DOCK8: variants seen among roughly 807,000 people sequenced by gnomAD.
The protein encoded by DOCK8 is dedicator of cytokinesis 8.
DOCK8 carries 141 observed loss-of-function variants against 245.6 expected under a neutral mutation model. The observed-to-expected ratio is 0.57, with a 90% confidence interval of 0.50 to 0.66. The LOEUF is 0.66. Ranked by LOEUF, DOCK8 falls within the 30% of genes least tolerant of loss-of-function variation. DOCK8 has a pLI of 0.00. For synonymous variants in DOCK8, 1,168 were observed against 970.2 expected (o/e 1.20, Z -3.79); for missense variants, 2,965 against 2,603.4 (o/e 1.14, Z -3.02).
intron 42 of DOCK8, among the ~76,000 whole-genome samples, chr9:442,883 A>G (rs138241835): frequency 8.1e-4 from 123 of 152,302 alleles, no homozygotes; most frequent in African/African-American, 2.8e-3. Context: ...TACACTCTCC[A>G]TCCATGCCAA....
intron 23 of DOCK8, among the ~76,000 whole-genome samples, chr9:390,203 G>GT (rs2054127856): frequency 6.6e-6 from 1 of 152,074 alleles, no homozygotes; most frequent in Non-Finnish European, 1.5e-5. Context: ...GTAGAATAGA[G>GT]TTTCACTCCC....
chr9:371,324 A>G lies in DOCK8; in HGVS notation c.1869-104A>G, dbSNP rs943648304. On this transcript the variant is annotated intron_variant, in intron 16 of 47. Transcript: ENST00000432829. ...AGAGTAATGTAAAATGAAAAGCAAA[A>G]CACCAGGCAAATTCTGAGGAGCAAA... is the stretch of plus-strand genomic sequence containing the variant. The G allele has an allele frequency of 4.2e-6, 6 of 1,417,350 alleles. No individual in the cohort carries two copies. The Admixed American group carries it at 1.0e-4, about 24-fold the overall frequency. 87.8% of individuals were successfully genotyped at this position (1,417,350 alleles called of 1,614,324 possible).
At chr9:245,585 C>A (rs1386695079) in intron 1 of DOCK8, among the ~76,000 whole-genome samples, 1 of 152,098 alleles carries the variant, frequency 6.6e-6, no homozygotes, top group East Asian at 1.9e-4. Flanking sequence ...GGCAACTTGA[C>A]AAAGAGTGAA....
intron 26 of DOCK8, among the ~76,000 whole-genome samples, chr9:399,652 T>G (rs2054648501): frequency 6.6e-6 from 1 of 152,042 alleles, no homozygotes; most frequent in South Asian, 2.1e-4. Flanking sequence ...AAATTGCTGT[T>G]GTGATGCTCC....
chr9:429,794 C>A lies in DOCK8; in HGVS notation c.4566C>A (p.Thr1522=). The change falls in exon 36 of 48, where the codon ACC becomes ACA. Residue 1522 remains threonine (T), a synonymous_variant. Transcript: ENST00000432829. The part of the protein sequence containing the change: ...LHHCSSSMDV[T]RSQACATLYL... ...ACTGCAGCAGCAGCATGGATGTCACCCGGAGCCAAGCCTGTGCCACCCTTT... is the reference window on the plus strand; with the variant it reads ...ACTGCAGCAGCAGCATGGATGTCACACGGAGCCAAGCCTGTGCCACCCTTT... 1 of 1,614,176 alleles carries A rather than the reference C, an allele frequency of 6.2e-7. No individual in the cohort carries two copies. The highest frequency in any genetic ancestry group is 8.5e-7 in the Non-Finnish European group (1 of 1,180,040).
In DOCK8 at chr9:307,329, G is replaced by GTTTT. The variant is rs1210792510; in HGVS notation, c.528+2630_528+2633dup. 1.5e-4 allele frequency among the ~76,000 whole-genome samples: 11 copies of GTTTT among 75,138 alleles called. 4 individuals carry two copies. In the East Asian group the frequency reaches 2.0e-3, roughly 14 times the overall value. The allele number at this position is 75,138 out of a possible 152,430, so 49.3% of individuals were successfully genotyped here. A position where few individuals can be genotyped will look rare whatever the true frequency, so the allele number is the denominator to read the frequency against. On this transcript the variant is annotated intron_variant, in intron 5 of 47. Transcript: ENST00000432829. ...AACTCAAGTCACTGTGTTGTGTGTG[G>GTTTT]TTTTTTTTGTTTTTTTTTTTTTTTT...
chr9:289,027 A>C (rs2048935475), intron 3 of DOCK8, among the ~76,000 whole-genome samples: 1 of 152,204 alleles, frequency 6.6e-6, no homozygotes, highest in South Asian at 2.1e-4. Context: ...AACTGAATTA[A>C]TGATCACCAA....
intron 14 of DOCK8, among the ~76,000 whole-genome samples, chr9:344,203 G>A (rs1027928192): frequency 8.5e-5 from 13 of 152,220 alleles, no homozygotes; most frequent in Non-Finnish European, 4.4e-5. Flanking sequence ...CAGTTTGGTT[G>A]TGGCCCCTTC....
intron 26 of DOCK8, among the ~76,000 whole-genome samples, chr9:403,906 A>ATGTG (rs2055247051): frequency 3.3e-5 from 3 of 90,110 alleles, no homozygotes; most frequent in African/African-American, 7.4e-5. Flanking sequence ...ATATATATAT[A>ATGTG]TATATATATA....
chr9:271,909 G>A (rs2048174813), intron 2 of DOCK8, among the ~76,000 whole-genome samples, 180 bp downstream of exon 2: 1 of 152,070 alleles, frequency 6.6e-6, no homozygotes, highest in African/African-American at 2.4e-5. Flanking sequence ...CTGCCAACCG[G>A]TACTTAGGGT....
chr9:235,607 G>A (rs2047225581), intron 1 of DOCK8, among the ~76,000 whole-genome samples: 1 of 152,150 alleles, frequency 6.6e-6, no homozygotes, highest in African/African-American at 2.4e-5. Context: ...GCAATGGTGG[G>A]CACCCCTCCC....
intron 22 of DOCK8, 77 bp from the exon 23 acceptor site, chr9:386,254 T>C: frequency 8.1e-7 from 1 of 1,234,910 alleles, no homozygotes; most frequent in Non-Finnish European, 1.2e-6. Flanking sequence ...AAATGAATTC[T>C]GAGGTTGTGA....
At chr9:435,769 T>G (rs2056879678) in intron 39 of DOCK8, among the ~76,000 whole-genome samples, 1 of 152,178 alleles carries the variant, frequency 6.6e-6, no homozygotes, top group Non-Finnish European at 1.5e-5. Context: ...AGTGGCCACT[T>G]AAAGTGTTCT....
intron 33 of DOCK8, 49 bp from the exon 34 acceptor site, chr9:426,836 C>T: frequency 1.3e-6 from 2 of 1,505,190 alleles, no homozygotes; most frequent in Non-Finnish European, 1.8e-6. Flanking sequence ...TCATGGGAAC[C>T]TGGCCAGGTT....
At chr9:225,671 A>G (rs181826286) in intron 1 of DOCK8, among the ~76,000 whole-genome samples, 8 of 152,300 alleles carry the variant, frequency 5.3e-5, no homozygotes, top group African/African-American at 1.9e-4. Flanking sequence ...TTATTCTAAA[A>G]AAAGTAATAT....
chr9:382,959 G>T (rs1407368254), intron 22 of DOCK8, among the ~76,000 whole-genome samples: 1 of 152,074 alleles, frequency 6.6e-6, no homozygotes, highest in African/African-American at 2.4e-5. Context: ...ATGGAGTCAT[G>T]TGGCTAAACC....
At chr9:360,550 A>T (rs1250940986) in intron 14 of DOCK8, among the ~76,000 whole-genome samples, 1 of 152,212 alleles carries the variant, frequency 6.6e-6, no homozygotes, top group African/African-American at 2.4e-5. Flanking sequence ...TTCAGGTTAA[A>T]CTCAGAAGAG....
At chr9:397,561 G>A (rs1054377178) in intron 25 of DOCK8, among the ~76,000 whole-genome samples, 23 of 150,736 alleles carry the variant, frequency 1.5e-4, no homozygotes, top group African/African-American at 4.6e-4. Flanking sequence ...GTAGTGGCAC[G>A]TACCTGTAAT....
intron 8 of DOCK8, among the ~76,000 whole-genome samples, chr9:326,194 C>G (rs1280614855): frequency 6.6e-6 from 1 of 152,152 alleles, no homozygotes; most frequent in Non-Finnish European, 1.5e-5. Context: ...AAAACAGTGA[C>G]CAAGACCTCT....
Sources: gnomAD v4.1 joint callset for allele counts (sites outside exome capture counted in the v4.1 genomes callset) on GRCh38, gnomAD v4.1.1 for gene constraint, MANE v1.5 for transcripts, NCBI Gene and HGNC (gene_info 2026-07-23, HGNC 2026-07-21) for gene names.